The following ITGA11 variants were observed in gnomAD, a reference collection of about 807,000 sequenced individuals.
ITGA11 encodes integrin subunit alpha 11.
Under a neutral mutation model 141.9 loss-of-function variants are expected in ITGA11, and 97 were observed. The ratio of observed to expected loss-of-function variants is 0.68; its 90% CI spans 0.58 to 0.81. ITGA11 has a LOEUF of 0.81. Ranked by LOEUF, ITGA11 falls within the 30% of genes least tolerant of loss-of-function variation. The pLI, the probability that ITGA11 is intolerant of heterozygous loss-of-function variation, is 0.00. For synonymous variants in ITGA11, 658 were observed against 624.6 expected (o/e 1.05, Z -0.80); for missense variants, 1,387 against 1,559.2 (o/e 0.89, Z 1.86).
intron 4 of ITGA11, chr15:68,362,084 A>G (rs1895261021): frequency 6.0e-6 from 1 of 166,394 alleles, no homozygotes; most frequent in South Asian, 1.6e-4. Context: ...GGTCACTAGA[A>G]TAACTCCTCT....
At chr15:68,413,704 G>A (rs2140427560) in intron 1 of ITGA11, among the ~76,000 whole-genome samples, 1 of 152,294 alleles carries the variant, frequency 6.6e-6, no homozygotes, top group South Asian at 2.1e-4. Flanking sequence ...ATGTCAGTGA[G>A]GTTCCCTTGG....
In ITGA11 at chr15:68,334,952, G is replaced by A. The variant is rs545635414; in HGVS notation, c.1425+745C>T. Reference sequence around the variant, plus strand: ...GGAGGAGGAATGGCAGGAGGGTGGCGCTCTGCAGTGAGAGGGATTTAGGTT... The same window carrying A: ...GGAGGAGGAATGGCAGGAGGGTGGCACTCTGCAGTGAGAGGGATTTAGGTT... On this transcript the variant is annotated intron_variant, in intron 12 of 29. Coordinates refer to ENST00000315757, the MANE Select transcript of ITGA11 (RefSeq NM_001004439.2). 3.3e-5 allele frequency among the ~76,000 whole-genome samples: 5 copies of A among 152,258 alleles called. No homozygotes were observed. In the East Asian group the frequency reaches 5.8e-4, roughly 18 times the overall value.
chr15:68,401,171 A>C (rs577482287), intron 2 of ITGA11, among the ~76,000 whole-genome samples: 7 of 151,446 alleles, frequency 4.6e-5, no homozygotes, highest in African/African-American at 1.7e-4. Flanking sequence ...CACCACACAC[A>C]ACTAGAATGA....
chr15:68,317,618 G>GT (rs1479234402), intron 20 of ITGA11, among the ~76,000 whole-genome samples: 3 of 152,196 alleles, frequency 2.0e-5, no homozygotes. Flanking sequence ...AGGATGGCGG[G>GT]GGCTCATGTA....
chr15:68,381,047 C>A (rs1895850294), intron 2 of ITGA11, among the ~76,000 whole-genome samples: 1 of 152,164 alleles, frequency 6.6e-6, no homozygotes, highest in Non-Finnish European at 1.5e-5. Flanking sequence ...CTGAGGGCCA[C>A]TCTCAGTGTA....
intron 16 of ITGA11, among the ~76,000 whole-genome samples, chr15:68,327,838 C>T (rs893725766): frequency 5.9e-5 from 9 of 152,326 alleles, no homozygotes; most frequent in Middle Eastern, 3.4e-3. Flanking sequence ...CCAAACTCTA[C>T]GCCCAGACTG....
At chr15:68,415,584 G>C (rs567957505) in intron 1 of ITGA11, among the ~76,000 whole-genome samples, 2 of 152,204 alleles carry the variant, frequency 1.3e-5, no homozygotes, top group Non-Finnish European at 2.9e-5. Context: ...CTTCCGGCAG[G>C]GAGTGGCTCT....
Position 68,310,980 on chromosome 15 carries a change from T to TG in ITGA11, c.3174+13dup, listed in dbSNP as rs1567122544. The TG allele has an allele frequency of 1.9e-6, 3 of 1,589,986 alleles. No homozygotes were observed. Among genetic ancestry groups the TG allele is most frequent in the Non-Finnish European group, 2.6e-6 (3 of 1,166,742 alleles). On this transcript the variant is annotated intron_variant, in intron 26 of 29. Coordinates refer to ENST00000315757, the MANE Select transcript of ITGA11 (RefSeq NM_001004439.2). ...ACCCCAACCACTGTGGCTCTCGGTC[T>TG]GGGGGACACTCACCAGCTGTGGAGC... is the stretch of plus-strand genomic sequence containing the variant.
In ITGA11 at chr15:68,328,035, G is replaced by A; in HGVS notation, c.2068+61C>T. Reference sequence around the variant, plus strand: ...TGGGAAAAGCCCAGGCTTTGAAATAGAGCAAGGTGCAGGGGGAGACTGGAG... The same window carrying A: ...TGGGAAAAGCCCAGGCTTTGAAATAAAGCAAGGTGCAGGGGGAGACTGGAG... On this transcript the variant is annotated intron_variant, in intron 16 of 29. Coordinates refer to ENST00000315757, the MANE Select transcript of ITGA11 (RefSeq NM_001004439.2). The surrounding 1 kb of genome is among the most constrained non-coding windows in gnomAD (Gnocchi z 4.8). The A allele has an allele frequency of 6.6e-7, 1 of 1,510,238 alleles. No homozygotes were observed. Among genetic ancestry groups the A allele is most frequent in the South Asian group, 1.3e-5 (1 of 78,568 alleles). The allele number at this position is 1,510,238 out of a possible 1,614,324, so 93.6% of individuals were successfully genotyped here.
At chr15:68,373,401 C>T (rs1232064599) in intron 2 of ITGA11, among the ~76,000 whole-genome samples, 1 of 152,192 alleles carries the variant, frequency 6.6e-6, no homozygotes, top group East Asian at 1.9e-4. Flanking sequence ...TGCCTCAGGC[C>T]TAAGAGAAGC....
In ITGA11 at chr15:68,348,885, T is replaced by C; in HGVS notation, c.1076A>G (p.Glu359Gly). The C allele has an allele frequency of 6.2e-7, 1 of 1,607,604 alleles. No homozygotes were observed. The highest frequency in any genetic ancestry group is 8.5e-7 in the Non-Finnish European group (1 of 1,177,100). The change falls in exon 10 of 30, where the codon GAG (glutamate) becomes GGG (glycine). Residue 359 changes from glutamate (E) to glycine (G), a missense_variant. Physicochemically the swap from Glu to Gly is moderately conservative, Grantham distance 98. Coordinates refer to ENST00000315757, the MANE Select transcript of ITGA11 (RefSeq NM_001004439.2). The stretch of plus-strand genomic sequence containing the variant: ...TGACATCTCCAGCCCAAAGGAGGTC[T>C]CGTTCTTGTTGGTGCCTGCAACAGA... Reference protein sequence around the residue: ...IFSLEGTNKNETSFGLEMSQT... With the variant: ...IFSLEGTNKNGTSFGLEMSQT...
At chr15:68,422,588 A>C (rs7164150) in intron 1 of ITGA11, among the ~76,000 whole-genome samples, 102,735 of 151,730 alleles carry the variant, frequency 0.68, 35,136 homozygotes, top group African/African-American at 0.76. Flanking sequence ...AGAACATGTC[A>C]CTGCTCTCCC....
At chr15:68,347,020 C>T (rs1334075729) in intron 10 of ITGA11, among the ~76,000 whole-genome samples, 1 of 152,248 alleles carries the variant, frequency 6.6e-6, no homozygotes, top group Non-Finnish European at 1.5e-5. Context: ...TACAAGTTGA[C>T]TCCTGGTGGC....
At position 68,304,337 on chromosome 15, in the gene ITGA11, C is replaced by T. The variant is rs1893122987; in HGVS notation, c.3382-452G>A. On this transcript the variant is annotated intron_variant, in intron 28 of 29. Transcript: ENST00000315757. This position sits in a 1 kb window ranked among gnomAD's most constrained non-coding sequence, Gnocchi z 6.1. The stretch of plus-strand genomic sequence containing the variant: ...AGTCACAGTAGTCATGGTGCCAAGG[C>T]CCATAACACTTTTAGGAGCCCATGA... Among the ~76,000 whole-genome samples the T allele has an allele frequency of 6.6e-6, 1 of 152,188 alleles. No individual in the cohort carries two copies. Among genetic ancestry groups the T allele is most frequent in the Admixed American group, 6.5e-5 (1 of 15,288 alleles).
chr15:68,303,897 G>A lies in ITGA11; in HGVS notation c.3382-12C>T, dbSNP rs369769254. 1.1e-5 allele frequency: 18 copies of A among 1,572,188 alleles called. 1 individual carries two copies. The highest frequency in any genetic ancestry group is 1.7e-4 in the Middle Eastern group (1 of 5,994). ...ATCTCAAACACGATCTGCAAGGGGAGGGGGGCCGGGCCAACAGCATTACTC... is the reference window on the plus strand; with the variant it reads ...ATCTCAAACACGATCTGCAAGGGGAAGGGGGCCGGGCCAACAGCATTACTC... On this transcript the variant is annotated splice_polypyrimidine_tract_variant and intron_variant, in intron 28 of 29. Transcript: ENST00000315757. This position sits in a 1 kb window ranked among gnomAD's most constrained non-coding sequence, Gnocchi z 5.3.
At chr15:68,350,510 G>T in intron 9 of ITGA11, 107 bp downstream of exon 9, 1 of 1,084,944 alleles carries the variant, frequency 9.2e-7, no homozygotes, top group South Asian at 1.7e-5. Context: ...TATTACGGAA[G>T]ACTCTTGTTA....
chr15:68,385,526 G>A (rs2140382899), intron 2 of ITGA11, among the ~76,000 whole-genome samples: 1 of 152,336 alleles, frequency 6.6e-6, no homozygotes, highest in African/African-American at 2.4e-5. Context: ...AGACCCTAGT[G>A]AAAATGCAAA....
At chr15:68,358,699 C>T in intron 5 of ITGA11, 114 bp from the exon 6 acceptor site, 2 of 1,181,168 alleles carry the variant, frequency 1.7e-6, no homozygotes, top group Non-Finnish European at 2.3e-6. Context: ...ATGTGTAATT[C>T]CCTGGGCTGG....
At chr15:68,389,607 C>A (rs1290153524) in intron 2 of ITGA11, among the ~76,000 whole-genome samples, 1 of 152,230 alleles carries the variant, frequency 6.6e-6, no homozygotes, top group Non-Finnish European at 1.5e-5. Flanking sequence ...AAATCTACTT[C>A]CCCTACAAGT....
Sources: allele counts gnomAD v4.1 joint callset (sites outside exome capture counted in the v4.1 genomes callset), GRCh38; gene constraint gnomAD v4.1.1; non-coding constraint Gnocchi (gnomAD v3.1); transcripts MANE v1.5; gene names NCBI Gene and HGNC (gene_info 2026-07-23, HGNC 2026-07-21).